The following NRXN3 variants were observed in gnomAD, a reference collection of about 807,000 sequenced individuals.
NRXN3 encodes the protein neurexin 3, also known as neurexin III.
A neutral mutation model predicts 137.6 loss-of-function variants in NRXN3; 32 were observed. That is an observed-to-expected ratio of 0.23 (90% confidence interval 0.18 to 0.31). The LOEUF (loss-of-function observed/expected upper bound fraction) is 0.31, where lower values mean the gene tolerates loss of function less well. NRXN3 is among the 10% of genes least tolerant of loss of function. The pLI, the probability that NRXN3 is intolerant of heterozygous loss-of-function variation, is 1.00. For synonymous variants in NRXN3, 798 were observed against 784.5 expected, an observed-to-expected ratio of 1.02 and a Z score of -0.29; for missense variants, 1,574 against 2,062.5, an observed-to-expected ratio of 0.76 and a Z score of 4.59.
At chr14:78,653,399 A>T (rs1258816376) in intron 6 of NRXN3, among the ~76,000 whole-genome samples, 2 of 152,234 alleles carry the variant, frequency 1.3e-5, no homozygotes, top group African/African-American at 4.8e-5. Context: ...GTTACCAAGG[A>T]CATGGCTCAG....
At chr14:78,673,892 C>T (rs1332534669) in intron 6 of NRXN3, among the ~76,000 whole-genome samples, 4 of 152,120 alleles carry the variant, frequency 2.6e-5, no homozygotes. Context: ...TTGTCATGGC[C>T]CAATCTAAGC....
intron 15 of NRXN3, among the ~76,000 whole-genome samples, chr14:79,237,288 A>G (rs1196951681): frequency 6.6e-6 from 1 of 152,142 alleles, no homozygotes; most frequent in Admixed American, 6.6e-5. Context: ...AAGTATTGTA[A>G]GGACCTAATA....
chr14:79,578,339 G>A (rs1455720896), intron 16 of NRXN3, among the ~76,000 whole-genome samples: 2 of 152,258 alleles, frequency 1.3e-5, no homozygotes, highest in East Asian at 1.9e-4. Context: ...TGACAACAGA[G>A]CTCTCCTAAG....
At chr14:78,743,622 C>G (rs185076839) in intron 8 of NRXN3, among the ~76,000 whole-genome samples, 14 of 152,162 alleles carry the variant, frequency 9.2e-5, no homozygotes, top group South Asian at 2.1e-4. Flanking sequence ...GGTATCAAAA[C>G]TAGATATCTG....
In NRXN3 at chr14:79,691,636, A is replaced by G. The variant is rs2098716951; in HGVS notation, c.3617-537A>G. On this transcript the variant is annotated intron_variant, in intron 17 of 20. Transcript: ENST00000335750. Reference sequence around the variant, plus strand: ...AATAAGAAGTCTCCCTTGGCCATCAAGGCTTAAATTGTCCTCTCCTCCTTT... The same window carrying G: ...AATAAGAAGTCTCCCTTGGCCATCAGGGCTTAAATTGTCCTCTCCTCCTTT... Among the ~76,000 whole-genome samples, 4 of 152,114 alleles carry G rather than the reference A, an allele frequency of 2.6e-5. 1 individual carries two copies. The highest frequency in any genetic ancestry group is 6.3e-3 in the Middle Eastern group (2 of 316).
intron 10 of NRXN3, among the ~76,000 whole-genome samples, chr14:78,866,352 A>G (rs1477141257): frequency 6.6e-6 from 1 of 152,326 alleles, no homozygotes; most frequent in African/African-American, 2.4e-5. Context: ...TCCCTGAGGC[A>G]TTAATGAAAA....
At chr14:78,273,810 A>G (rs985769919) in intron 2 of NRXN3, among the ~76,000 whole-genome samples, 1 of 152,184 alleles carries the variant, frequency 6.6e-6, no homozygotes, top group Non-Finnish European at 1.5e-5. Flanking sequence ...ACACTTCTTC[A>G]GCTACCTCCT....
At chr14:79,769,093 A>G (rs1233425594) in intron 19 of NRXN3, among the ~76,000 whole-genome samples, 4 of 152,126 alleles carry the variant, frequency 2.6e-5, no homozygotes, top group African/African-American at 9.6e-5. Flanking sequence ...AAAGGAAACG[A>G]GCAAAGCCTC....
At chr14:78,291,388 A>T (rs2075789354) in intron 3 of NRXN3, among the ~76,000 whole-genome samples, 1 of 152,184 alleles carries the variant, frequency 6.6e-6, no homozygotes, top group Non-Finnish European at 1.5e-5. Context: ...CTGTTATTGT[A>T]ATTCTCTTTA....
At chr14:78,776,935 C>T (rs2098746638) in intron 8 of NRXN3, among the ~76,000 whole-genome samples, 1 of 152,132 alleles carries the variant, frequency 6.6e-6, no homozygotes. Context: ...GCATTTTTAG[C>T]ATGTTGTCAG....
chr14:79,413,586 G>C (rs2095450816), intron 15 of NRXN3, among the ~76,000 whole-genome samples: 1 of 152,020 alleles, frequency 6.6e-6, no homozygotes, highest in Admixed American at 6.6e-5. Flanking sequence ...ACTGAGGTTG[G>C]CCTGCTATGG....
intron 6 of NRXN3, among the ~76,000 whole-genome samples, chr14:78,667,680 G>GA (rs541689788): frequency 7.5e-4 from 113 of 151,634 alleles, no homozygotes; most frequent in Middle Eastern, 3.4e-3. Flanking sequence ...ACAGACATAG[G>GA]AAAAAAAACT....
chr14:79,691,044 A>G (rs1396076699), intron 17 of NRXN3, among the ~76,000 whole-genome samples: 2 of 152,192 alleles, frequency 1.3e-5, no homozygotes, highest in African/African-American at 4.8e-5. Flanking sequence ...TGCCAGATCA[A>G]TGTGAGGTTG....
At chr14:79,528,067 G>C (rs757560824) in intron 16 of NRXN3, among the ~76,000 whole-genome samples, 2 of 151,996 alleles carry the variant, frequency 1.3e-5, no homozygotes, top group Admixed American at 6.6e-5. Flanking sequence ...AAAACTGTTA[G>C]ACTATTTACG....
At chr14:79,425,797 G>A (rs192346867) in intron 15 of NRXN3, among the ~76,000 whole-genome samples, 1 of 152,068 alleles carries the variant, frequency 6.6e-6, no homozygotes, top group Non-Finnish European at 1.5e-5. Flanking sequence ...ATAGAAACAC[G>A]GTCTGTCCAG....
intron 8 of NRXN3, among the ~76,000 whole-genome samples, chr14:78,763,030 C>G (rs556588972): frequency 6.6e-6 from 1 of 152,084 alleles, no homozygotes; most frequent in African/African-American, 2.4e-5. Context: ...TTGGCAATGG[C>G]GGGAGTGCTG....
At chr14:79,493,742 T>C (rs2096739580) in intron 16 of NRXN3, among the ~76,000 whole-genome samples, 1 of 152,236 alleles carries the variant, frequency 6.6e-6, no homozygotes, top group Non-Finnish European at 1.5e-5. Flanking sequence ...CCAAAGCCTC[T>C]TCGTACCTTG....
At chr14:78,230,137 G>T (rs1038401618) in intron 1 of NRXN3, among the ~76,000 whole-genome samples, 1 of 151,904 alleles carries the variant, frequency 6.6e-6, no homozygotes, top group African/African-American at 2.4e-5. Context: ...TGATCCTCCC[G>T]CCTCAGCTTC....
At chr14:78,579,177 C>A (rs998781798) in intron 4 of NRXN3, among the ~76,000 whole-genome samples, 1 of 152,142 alleles carries the variant, frequency 6.6e-6, no homozygotes, top group Admixed American at 6.5e-5. Flanking sequence ...CATTCTCTCA[C>A]GGCAAGTACA....
Sources: gnomAD v4.1 joint callset for allele counts (sites outside exome capture counted in the v4.1 genomes callset) on GRCh38, gnomAD v4.1.1 for gene constraint, MANE v1.5 for transcripts, NCBI Gene and HGNC (gene_info 2026-07-23, HGNC 2026-07-21) for gene names.